The following CMTM7 variants were observed in gnomAD, a reference collection of about 807,000 sequenced individuals.
CMTM7 encodes CKLF-like MARVEL transmembrane domain-containing protein 7.
Under a neutral mutation model 19.3 loss-of-function variants are expected in CMTM7, and 7 were observed. The ratio of observed to expected loss-of-function variants is 0.36; its 90% CI spans 0.21 to 0.68. CMTM7 has a LOEUF of 0.68. Among genes scored for constraint, CMTM7 ranks in the 30% least tolerant of loss-of-function variants. The pLI, the probability that CMTM7 is intolerant of heterozygous loss-of-function variation, is 0.60. For missense variants in CMTM7, 193 were observed against 232.6 expected, an observed-to-expected ratio of 0.83 and a Z score of 1.11; for synonymous variants, 87 against 99.3, an observed-to-expected ratio of 0.88 and a Z score of 0.74.
At chr3:32,400,608 G>T (rs891827156) in intron 1 of CMTM7, among the ~76,000 whole-genome samples, 1 of 151,044 alleles carries the variant, frequency 6.6e-6, no homozygotes, top group South Asian at 2.1e-4. Context: ...AGCCAGGATG[G>T]TCTTAATCTC....
Position 32,454,545 on chromosome 3 carries a change from A to G in CMTM7, c.*291A>G, listed in dbSNP as rs963747654. The stretch of plus-strand genomic sequence containing the variant: ...TCCTGCTTCTAGAACCACCTCAGGT[A>G]CTGATGAACCCCACTTAGCACAGCT... On this transcript the variant is annotated 3_prime_UTR_variant, in exon 5 of 5. Transcript: ENST00000334983. 28 of 646,900 alleles carry G rather than the reference A, an allele frequency of 4.3e-5. No individual in the cohort carries two copies. The highest frequency in any genetic ancestry group is 4.3e-4 in the African/African-American group (24 of 56,042). The allele number at this position is 646,900 out of a possible 1,614,324, so 40.1% of individuals were successfully genotyped here. A position where few individuals can be genotyped will look rare whatever the true frequency, so the allele number is the denominator to read the frequency against.
At chr3:32,405,988 C>T (rs1348387678) in intron 1 of CMTM7, among the ~76,000 whole-genome samples, 1 of 152,218 alleles carries the variant, frequency 6.6e-6, no homozygotes, top group Non-Finnish European at 1.5e-5. Flanking sequence ...GTCAGTTTTC[C>T]TCTCTGGAAA....
chr3:32,393,855 G>A (rs143691208), intron 1 of CMTM7, among the ~76,000 whole-genome samples: 51 of 150,268 alleles, frequency 3.4e-4, no homozygotes, highest in African/African-American at 1.2e-3. Context: ...GATGAATAAA[G>A]ATACTGGGAG....
chr3:32,436,660 A>G (rs1001442449), intron 1 of CMTM7, among the ~76,000 whole-genome samples: 6 of 152,134 alleles, frequency 3.9e-5, no homozygotes, highest in African/African-American at 1.4e-4. Context: ...ATGCAGGGAC[A>G]GTGGGGTTGG....
chr3:32,447,257 A>G (rs1049486836), intron 2 of CMTM7, among the ~76,000 whole-genome samples: 5 of 151,954 alleles, frequency 3.3e-5, no homozygotes, highest in African/African-American at 9.7e-5. Context: ...ATTTGATTCC[A>G]TTGTGTTCAG....
chr3:32,392,169 G>A, intron 1 of CMTM7, 104 bp downstream of exon 1: 1 of 904,016 alleles, frequency 1.1e-6, no homozygotes, highest in Non-Finnish European at 1.4e-6. Context: ...CGGAGCCCAG[G>A]GAGCATCGCG....
intron 1 of CMTM7, among the ~76,000 whole-genome samples, chr3:32,426,077 A>G (rs1243196602): frequency 1.3e-5 from 2 of 152,204 alleles, no homozygotes; most frequent in Admixed American, 6.5e-5. Flanking sequence ...CCTGGGAGGC[A>G]GAGTTTGCGG....
chr3:32,446,839 A>G (rs1334518074), intron 2 of CMTM7, among the ~76,000 whole-genome samples: 2 of 152,148 alleles, frequency 1.3e-5, no homozygotes, highest in East Asian at 3.8e-4. Flanking sequence ...TTTGCTTCAG[A>G]AAGTAGAAGC....
chr3:32,448,634 T>G (rs773755272), intron 2 of CMTM7, among the ~76,000 whole-genome samples: 1 of 152,118 alleles, frequency 6.6e-6, no homozygotes, highest in Non-Finnish European at 1.5e-5. Context: ...AGGATGCTGA[T>G]TAATCATGAT....
intron 1 of CMTM7, among the ~76,000 whole-genome samples, chr3:32,402,091 T>G (rs1359785296): frequency 6.6e-6 from 1 of 152,062 alleles, no homozygotes; most frequent in African/African-American, 2.4e-5. Flanking sequence ...TTTTGTTTGT[T>G]TATTTGTTTG....
At chr3:32,415,255 G>A (rs1414145378) in intron 1 of CMTM7, among the ~76,000 whole-genome samples, 1 of 152,038 alleles carries the variant, frequency 6.6e-6, no homozygotes, top group Non-Finnish European at 1.5e-5. Flanking sequence ...GCATTTTAAC[G>A]CATCCCCTTG....
chr3:32,441,785 C>T, intron 1 of CMTM7, 55 bp from the exon 2 acceptor site: 1 of 1,525,550 alleles, frequency 6.6e-7, no homozygotes, highest in Non-Finnish European at 9.0e-7. Flanking sequence ...GTTGTTTGTT[C>T]CCTGGGTGCC....
At chr3:32,437,367 C>T (rs1207060571) in intron 1 of CMTM7, among the ~76,000 whole-genome samples, 1 of 152,038 alleles carries the variant, frequency 6.6e-6, no homozygotes, top group African/African-American at 2.4e-5. Context: ...GAGGCTGAGA[C>T]GGGTGGATCA....
At chr3:32,427,958 T>C (rs530910554) in intron 1 of CMTM7, among the ~76,000 whole-genome samples, 1 of 152,372 alleles carries the variant, frequency 6.6e-6, no homozygotes, top group South Asian at 2.1e-4. Flanking sequence ...GAGGAAGCTA[T>C]GCCAGTATGT....
intron 1 of CMTM7, among the ~76,000 whole-genome samples, chr3:32,393,597 C>T (rs1559397987): frequency 6.6e-6 from 1 of 151,958 alleles, no homozygotes; most frequent in African/African-American, 2.4e-5. Flanking sequence ...GGAGATGAAA[C>T]CTCGGCAACA....
At chr3:32,411,803 G>A (rs938037368) in intron 1 of CMTM7, among the ~76,000 whole-genome samples, 1 of 152,236 alleles carries the variant, frequency 6.6e-6, no homozygotes, top group African/African-American at 2.4e-5. Context: ...ACTTGGCCAG[G>A]CGCAGTGGCT....
chr3:32,425,156 A>G (rs1696410859), intron 1 of CMTM7, among the ~76,000 whole-genome samples: 1 of 152,370 alleles, frequency 6.6e-6, no homozygotes, highest in South Asian at 2.1e-4. Context: ...AATGAGGGGC[A>G]TAATAGGGTT....
At chr3:32,452,050 T>C (rs1181634421) in intron 3 of CMTM7, 1 of 1,337,738 alleles carries the variant, frequency 7.5e-7, no homozygotes, top group Non-Finnish European at 9.8e-7. Context: ...CATCCTTTTC[T>C]TCTCTTTTGG....
intron 1 of CMTM7, among the ~76,000 whole-genome samples, chr3:32,415,254 C>T (rs668097): frequency 0.42 from 63,811 of 151,914 alleles, 13,675 homozygotes; most frequent in South Asian, 0.48. Flanking sequence ...TGCATTTTAA[C>T]GCATCCCCTT....
Sources: gnomAD v4.1 joint callset for allele counts (sites outside exome capture counted in the v4.1 genomes callset) on GRCh38, gnomAD v4.1.1 for gene constraint, MANE v1.5 for transcripts, NCBI Gene and HGNC (gene_info 2026-07-23, HGNC 2026-07-21) for gene names.